PSMB10: variants seen among roughly 807,000 people sequenced by gnomAD.
The protein encoded by PSMB10 is proteasome 20S subunit beta 10.
Under a neutral mutation model 29.8 loss-of-function variants are expected in PSMB10, and 29 were observed. That is an observed-to-expected ratio of 0.97 (90% CI 0.73 to 1.33). The LOEUF (loss-of-function observed/expected upper bound fraction) is 1.33, where lower values mean the gene tolerates loss of function less well. PSMB10 is among the 40% of genes most tolerant of loss of function. The pLI, the probability that PSMB10 is intolerant of heterozygous loss-of-function variation, is 0.00. For missense variants in PSMB10, 327 were observed against 369.2 expected (o/e 0.89, Z 0.94); for synonymous variants, 157 against 164.7 (o/e 0.95, Z 0.36).
Position 67,935,599 on chromosome 16 carries a change from A to C in PSMB10, c.482T>G (p.Leu161Arg). Residue 161 changes from leucine (L) to arginine (R), a missense_variant, in exon 5 of 8, where the codon CTG becomes CGG. Transcript: ENST00000358514. ...GVHPHGSYSR[L>R]PFTALGSGQD... ...GCGCTCACCCAGGGCTGTGAAGGGCAGACGGCTGTAGGAGCCATGGGGATG... is the reference window on the plus strand; with the variant it reads ...GCGCTCACCCAGGGCTGTGAAGGGCCGACGGCTGTAGGAGCCATGGGGATG... 1 of 1,614,236 alleles carries C rather than the reference A, an allele frequency of 6.2e-7. No homozygotes were observed. Among genetic ancestry groups the C allele is most frequent in the Non-Finnish European group, 8.5e-7 (1 of 1,180,024 alleles).
In PSMB10 at chr16:67,936,756, G is replaced by C; in HGVS notation, c.-7C>G. The C allele has an allele frequency of 6.4e-7, 1 of 1,555,460 alleles. No homozygotes were observed. The highest frequency in any genetic ancestry group is 2.4e-5 in the East Asian group (1 of 41,498). On this transcript the variant is annotated 5_prime_UTR_variant, in exon 1 of 8. Coordinates refer to ENST00000358514, the MANE Select transcript of PSMB10 (RefSeq NM_002801.4). ...CCAGGGCTGGCTTCAGCATCTTGGGGCAGGCAGAGGGGATTAGGGGTCGCG... is the reference window on the plus strand; with the variant it reads ...CCAGGGCTGGCTTCAGCATCTTGGGCCAGGCAGAGGGGATTAGGGGTCGCG...
intron 4 of PSMB10, 84 bp downstream of exon 4, chr16:67,935,879 C>A: frequency 6.5e-7 from 1 of 1,548,522 alleles, no homozygotes; most frequent in South Asian, 1.2e-5. Flanking sequence ...CCGTCGCGGT[C>A]CCGCCCTTCT....
intron 6 of PSMB10, 150 bp from the exon 7 acceptor site, chr16:67,935,098 G>A (rs958322502): frequency 1.9e-6 from 2 of 1,039,190 alleles, no homozygotes; most frequent in African/African-American, 3.2e-5. Flanking sequence ...CACCTCTGAG[G>A]CAACATCACC....
In PSMB10 at chr16:67,934,621, G is replaced by T. The variant is rs1194848162; in HGVS notation, c.761C>A (p.Thr254Lys). ...TAGCTCCAGGGTTAGTGGCTTCACT[G>T]TCTGGGTCAGGACAGCTGTGGTTCC... ...VPGTTAVLTQTVKPLTLELVE... is the reference protein window; with the variant it reads ...VPGTTAVLTQKVKPLTLELVE... The change falls in exon 8 of 8, where the codon ACA becomes AAA. Residue 254 changes from threonine (T) to lysine (K), a missense_variant. Coordinates refer to ENST00000358514, the MANE Select transcript of PSMB10 (RefSeq NM_002801.4). This position sits in a 1 kb window ranked among gnomAD's most constrained non-coding sequence, Gnocchi z 4.3. The T allele has an allele frequency of 6.2e-7, 1 of 1,614,142 alleles. No individual in the cohort carries two copies. The highest frequency in any genetic ancestry group is 1.7e-5 in the Admixed American group (1 of 60,016).
In PSMB10 at chr16:67,934,543, A is replaced by G; in HGVS notation, c.*17T>C. Reference sequence around the variant, plus strand: ...TTCTGGGTTTATTCCCCCTTGTTCCAAGCTCTAAGCCTCAGCTTACTCCAC... The same window carrying G: ...TTCTGGGTTTATTCCCCCTTGTTCCGAGCTCTAAGCCTCAGCTTACTCCAC... On this transcript the variant is annotated 3_prime_UTR_variant, in exon 8 of 8. Transcript: ENST00000358514. The surrounding 1 kb of genome is among the most constrained non-coding windows in gnomAD (Gnocchi z 4.3). 1 of 1,606,062 alleles carries G rather than the reference A, an allele frequency of 6.2e-7. No homozygotes were observed. The highest frequency in any genetic ancestry group is 8.5e-7 in the Non-Finnish European group (1 of 1,172,784).
At chr16:67,935,295 C>T in intron 6 of PSMB10, 125 bp downstream of exon 6, 1 of 1,182,140 alleles carries the variant, frequency 8.5e-7, no homozygotes, top group Non-Finnish European at 1.2e-6. Flanking sequence ...ACTCCACTCA[C>T]CCTTCAGTGG....
chr16:67,936,676 C>A lies in PSMB10; in HGVS notation c.56+18G>T. On this transcript the variant is annotated intron_variant, in intron 1 of 7. Coordinates refer to ENST00000358514, the MANE Select transcript of PSMB10 (RefSeq NM_002801.4). ...AGAGGCGGCTCAGGAGTGACCGCCC[C>A]CCGCGCCCCCGCTTCACCTTTGGCA... The A allele has an allele frequency of 6.5e-7, 1 of 1,548,904 alleles. No homozygotes were observed. Among genetic ancestry groups the A allele is most frequent in the African/African-American group, 1.4e-5 (1 of 72,936 alleles).
At position 67,936,098 on chromosome 16, in the gene PSMB10, C is replaced by CA. The variant is rs753711137; in HGVS notation, c.247dup (p.Cys83LeufsTer123). On this transcript the variant is annotated frameshift_variant, in exon 4 of 8. Transcript: ENST00000358514. LOFTEE classifies it high-confidence loss of function. ...GGCGTCCGCGGCTACTCCAGCCCCA[C>CA]AGCAGCTGAGGCAAAAGGGAGGATC... 74 of 1,609,244 alleles carry CA rather than the reference C, an allele frequency of 4.6e-5. No homozygotes were observed. In the African/African-American group the frequency reaches 8.8e-4, roughly 19 times the overall value.
At position 67,934,557 on chromosome 16, in the gene PSMB10, A is replaced by G; in HGVS notation, c.*3T>C. 1 of 1,612,436 alleles carries G rather than the reference A, an allele frequency of 6.2e-7. No homozygotes were observed. Among genetic ancestry groups the G allele is most frequent in the Admixed American group, 1.7e-5 (1 of 60,010 alleles). On this transcript the variant is annotated 3_prime_UTR_variant, in exon 8 of 8. Transcript: ENST00000358514. This position sits in a 1 kb window ranked among gnomAD's most constrained non-coding sequence, Gnocchi z 4.3. ...CCCCTTGTTCCAAGCTCTAAGCCTC[A>G]GCTTACTCCACCTCCATAGCCTGCA... is the stretch of plus-strand genomic sequence containing the variant.
At chr16:67,935,772 T>C (rs1315329422) in intron 4 of PSMB10, 75 bp from the exon 5 acceptor site, 9 of 1,527,212 alleles carry the variant, frequency 5.9e-6, no homozygotes, top group Non-Finnish European at 8.0e-6. Flanking sequence ...TCCTAGGTGC[T>C]ATCCCCGCCC....
In PSMB10 at chr16:67,936,016, GC is replaced by G. The variant is rs764094117; in HGVS notation, c.329del (p.Gly110AlafsTer28). 1.5e-5 allele frequency: 24 copies of G among 1,612,374 alleles called. No individual in the cohort carries two copies. Among genetic ancestry groups the G allele is most frequent in the Non-Finnish European group, 2.0e-5 (24 of 1,179,342 alleles). On this transcript the variant is annotated frameshift_variant, in exon 4 of 8. Coordinates refer to ENST00000358514, the MANE Select transcript of PSMB10 (RefSeq NM_002801.4). LOFTEE classifies it high-confidence loss of function. ...TGACCGTGGCCACGCGGGGCTCGCGGCCCGTAGATAACGCGTGTAGCTCCAT... is the reference window on the plus strand; with the variant it reads ...TGACCGTGGCCACGCGGGGCTCGCGGCCGTAGATAACGCGTGTAGCTCCAT... ...SKMELHALST[G>X]REPRVATVTR...
Position 67,935,713 on chromosome 16 carries a change from C to T in PSMB10, c.384-16G>A, listed in dbSNP as rs1161586170. 1 of 1,611,372 alleles carries T rather than the reference C, an allele frequency of 6.2e-7. No individual in the cohort carries two copies. The highest frequency in any genetic ancestry group is 8.5e-7 in the Non-Finnish European group (1 of 1,178,958). On this transcript the variant is annotated splice_polypyrimidine_tract_variant and intron_variant, in intron 4 of 7. Transcript: ENST00000358514. ...GCCCTGGTACCTGCTCGAGGATGGG[C>T]GGGGTCGGCCACAAGCTGGGGCCTA...
chr16:67,936,340 A>G, intron 2 of PSMB10, 28 bp from the exon 3 acceptor site: 3 of 1,611,048 alleles, frequency 1.9e-6, no homozygotes, highest in Middle Eastern at 1.7e-4. Flanking sequence ...CCGCAGCTTC[A>G]GTGCCTGCTC....
At chr16:67,935,745 A>G in intron 4 of PSMB10, 48 bp from the exon 5 acceptor site, 2 of 1,587,056 alleles carry the variant, frequency 1.3e-6, no homozygotes, top group Non-Finnish European at 1.7e-6. Context: ...CCTAGGCCCC[A>G]CCTCTCTATG....
intron 4 of PSMB10, 52 bp downstream of exon 4, chr16:67,935,911 C>A (rs1598200006): frequency 5.1e-6 from 8 of 1,583,500 alleles, no homozygotes; most frequent in Non-Finnish European, 6.9e-6. Context: ...CTTCCAATGG[C>A]CCCAACCCCG....
chr16:67,935,766 A>T, intron 4 of PSMB10, 69 bp from the exon 5 acceptor site: 19 of 1,544,370 alleles, frequency 1.2e-5, no homozygotes, highest in Non-Finnish European at 1.7e-5. Context: ...CCCAGCTCCT[A>T]GGTGCTATCC....
chr16:67,934,709 G>T lies in PSMB10; in HGVS notation c.711-38C>A. The T allele has an allele frequency of 6.2e-7, 1 of 1,611,370 alleles. No homozygotes were observed. The highest frequency in any genetic ancestry group is 8.5e-7 in the Non-Finnish European group (1 of 1,177,578). ...AGGGACAGCCTCTGAACATGGGCCT[G>T]TCATGTGGCCCATCCCCTTTTTGCA... On this transcript the variant is annotated intron_variant, in intron 7 of 7. Coordinates refer to ENST00000358514, the MANE Select transcript of PSMB10 (RefSeq NM_002801.4). The surrounding 1 kb of genome is among the most constrained non-coding windows in gnomAD (Gnocchi z 4.3).
At chr16:67,935,543 CA>C in intron 5 of PSMB10, 38 bp downstream of exon 5, 3 of 1,613,962 alleles carry the variant, frequency 1.9e-6, no homozygotes, top group Non-Finnish European at 2.5e-6. Context: ...GCCAAGGTCA[CA>C]GGGGCAGAGT....
chr16:67,935,062 C>G (rs1453424627), intron 6 of PSMB10, 114 bp from the exon 7 acceptor site: 17 of 1,380,446 alleles, frequency 1.2e-5, no homozygotes, highest in Non-Finnish European at 1.7e-5. Flanking sequence ...CAAACCCCCA[C>G]TGTGTTTCTC....
Sources: gnomAD v4.1 joint callset for allele counts on GRCh38, gnomAD v4.1.1 for gene constraint, Gnocchi (gnomAD v3.1) non-coding constraint, MANE v1.5 for transcripts, NCBI Gene and HGNC (gene_info 2026-07-23, HGNC 2026-07-21) for gene names.